ADGRL1: variants seen among roughly 807,000 people sequenced by gnomAD.
ADGRL1 encodes adhesion G protein-coupled receptor L1.
A neutral mutation model predicts 148.9 loss-of-function variants in ADGRL1; 31 were observed. The observed-to-expected ratio is 0.21, with a 90% CI of 0.16 to 0.28. ADGRL1 has a LOEUF of 0.28. Ranked by LOEUF, ADGRL1 falls within the 10% of genes least tolerant of loss-of-function variation. The pLI is 1.00. For missense variants in ADGRL1, 1,521 were observed against 2,058.8 expected (o/e 0.74, Z 5.05); for synonymous variants, 937 against 900.3 (o/e 1.04, Z -0.73).
Position 14,152,337 on chromosome 19 carries a change from G to A in ADGRL1, c.3621C>T (p.Pro1207=), listed in dbSNP as rs975226843. 1.9e-6 allele frequency: 3 copies of A among 1,598,188 alleles called. No individual in the cohort carries two copies. The highest frequency in any genetic ancestry group is 2.3e-5 in the South Asian group (2 of 88,766). ...GGGAGTTGAAGACAGGGGGCGAGGA[G>A]GGATTGAAGCCCACTGACTCGGCGA... The part of the protein sequence containing the change: ...TLIAESVGFN[P]SSPPVFNSPG... The change falls in exon 21 of 23, where the codon CCC becomes CCT. Residue 1207 remains proline, a synonymous_variant. Transcript: ENST00000361434. This position sits in a 1 kb window ranked among gnomAD's most constrained non-coding sequence, Gnocchi z 6.1.
chr19:14,183,386 T>C lies in ADGRL1; in HGVS notation c.70+147A>G, dbSNP rs1446821235. 33 of 703,908 alleles carry C rather than the reference T, an allele frequency of 4.7e-5. No homozygotes were observed. The South Asian group carries it at 6.0e-4, about 13-fold the overall frequency. 43.6% of individuals were successfully genotyped at this position (703,908 alleles called of 1,614,324 possible). On this transcript the variant is annotated intron_variant, in intron 2 of 22. Coordinates refer to ENST00000361434, the MANE Select transcript of ADGRL1 (RefSeq NM_014921.5). ...TGGGGTGTGTGTTACCCCTGAGTCT[T>C]CCACTGGCCTGCTCCAGCTGAGGTC... is the stretch of plus-strand genomic sequence containing the variant.
At chr19:14,187,902 A>G (rs1971685677) in intron 1 of ADGRL1, among the ~76,000 whole-genome samples, 1 of 151,964 alleles carries the variant, frequency 6.6e-6, no homozygotes, top group African/African-American at 2.4e-5. Flanking sequence ...TCCCACTGCA[A>G]CAGGCATCCG....
rs1472064311 is a variant in ADGRL1, at chr19:14,160,367, C to T, written c.1615-70G>A. The T allele has an allele frequency of 1.4e-6, 2 of 1,432,088 alleles. No individual in the cohort carries two copies. Among genetic ancestry groups the T allele is most frequent in the Non-Finnish European group, 1.9e-6 (2 of 1,050,858 alleles). The allele number at this position is 1,432,088 out of a possible 1,614,324, so 88.7% of individuals were successfully genotyped here. A position where few individuals can be genotyped will look rare whatever the true frequency, so the allele number is the denominator to read the frequency against. On this transcript the variant is annotated intron_variant, in intron 7 of 22. Coordinates refer to ENST00000361434, the MANE Select transcript of ADGRL1 (RefSeq NM_014921.5). The surrounding 1 kb of genome is among the most constrained non-coding windows in gnomAD (Gnocchi z 5.9). ...GGACCATCCTGCCCTCCCCGGCTTC[C>T]CTGGCCTGTGCAGCCTCTCCTATCT...
chr19:14,205,646 G>A (rs1243145948), intron 1 of ADGRL1, among the ~76,000 whole-genome samples: 1 of 151,288 alleles, frequency 6.6e-6, no homozygotes, highest in Non-Finnish European at 1.5e-5. Context: ...TCCCCACAAA[G>A]GCTGGCGCGC....
At chr19:14,179,695 T>C (rs1971060034) in intron 2 of ADGRL1, among the ~76,000 whole-genome samples, 1 of 151,574 alleles carries the variant, frequency 6.6e-6, no homozygotes, top group African/African-American at 2.4e-5. Flanking sequence ...TCACCTGAGG[T>C]CAGGAGTTTG....
intron 4 of ADGRL1, 59 bp from the exon 5 acceptor site, chr19:14,163,465 GGAGAGAGAGAGAGAGAGAGA>G: frequency 2.9e-6 from 2 of 700,936 alleles, no homozygotes; most frequent in Non-Finnish European, 4.3e-6. Context: ...GCGAGAGGGA[GGAGAGAGAGAGAGAGAGAGA>G]GAGAGAGAGA....
Position 14,161,213 on chromosome 19 carries a change from T to C in ADGRL1, c.1510+99A>G. 8.2e-7 allele frequency: 1 copy of C among 1,218,120 alleles called. No homozygotes were observed. Among genetic ancestry groups the C allele is most frequent in the Non-Finnish European group, 1.1e-6 (1 of 911,474 alleles). 75.5% of individuals were successfully genotyped at this position (1,218,120 alleles called of 1,614,324 possible). ...GGATGACCCCTGCCCTCAGAAAACC[T>C]CTGCTCCGCAGTAGAGACCCCCACC... On this transcript the variant is annotated intron_variant, in intron 6 of 22. Coordinates refer to ENST00000361434, the MANE Select transcript of ADGRL1 (RefSeq NM_014921.5). The surrounding 1 kb of genome is among the most constrained non-coding windows in gnomAD (Gnocchi z 4.4).
At chr19:14,156,296 G>A (rs1968736540) in intron 16 of ADGRL1, 95 bp from the exon 17 acceptor site, 4 of 989,402 alleles carry the variant, frequency 4.0e-6, no homozygotes, top group Admixed American at 2.0e-5. Context: ...AATCTCAGCT[G>A]TGGCCCTCGC....
chr19:14,175,864 G>A (rs558056570), intron 3 of ADGRL1, among the ~76,000 whole-genome samples: 1 of 152,026 alleles, frequency 6.6e-6, no homozygotes, highest in South Asian at 2.1e-4. Flanking sequence ...AGACCAACCT[G>A]GCCAACATGG....
chr19:14,153,411 AT>A (rs36035971), intron 18 of ADGRL1, among the ~76,000 whole-genome samples: 10,014 of 112,258 alleles, frequency 0.089, 364 homozygotes, highest in Admixed American at 0.14. Flanking sequence ...GCAGGTTGTG[AT>A]TTTTTTTTTT....
Position 14,154,835 on chromosome 19 carries a change from TG to T in ADGRL1, c.3294+523del, listed in dbSNP as rs771079472. Among the ~76,000 whole-genome samples the T allele has an allele frequency of 3.3e-5, 5 of 152,126 alleles. No individual in the cohort carries two copies. In the South Asian group the frequency reaches 6.2e-4, roughly 19 times the overall value. ...TTTCACCATGTTGGCCAGGCTGGTC[TG>T]GAACTCCTGACCTCAGGTGATCCGC... On this transcript the variant is annotated intron_variant, in intron 18 of 22. Transcript: ENST00000361434.
chr19:14,150,438 AGAG>A lies in ADGRL1; in HGVS notation c.*432_*434del. ...CAGCCGGCAGCATTTCTGGCTGCGG[AGAG>A]GAGCAGCTAACAGGTTCCATCCAGT... On this transcript the variant is annotated 3_prime_UTR_variant, in exon 23 of 23. Transcript: ENST00000361434. The A allele has an allele frequency of 6.0e-6, 1 of 166,470 alleles. No homozygotes were observed. Among genetic ancestry groups the A allele is most frequent in the East Asian group, 1.8e-4 (1 of 5,564 alleles). 10.3% of individuals were successfully genotyped at this position (166,470 alleles called of 1,614,324 possible).
chr19:14,156,969 G>A lies in ADGRL1; in HGVS notation c.2922C>T (p.Gly974=), dbSNP rs1968831742. The change falls in exon 15 of 23, where the codon GGC becomes GGT. Residue 974 remains glycine (G), a synonymous_variant. Transcript: ENST00000361434. The part of the protein sequence containing the change: ...GGYCFPALVV[G]IAAAIDYRSY... ...TGCGGTAGTCAATGGCAGCCGCGAT[G>A]CCCACCACCAGGGCCGGGAAGCAGT... is the stretch of plus-strand genomic sequence containing the variant. 24 of 1,613,484 alleles carry A rather than the reference G, an allele frequency of 1.5e-5. No individual in the cohort carries two copies. The highest frequency in any genetic ancestry group is 1.8e-5 in the Non-Finnish European group (21 of 1,179,912).
chr19:14,152,985 C>T lies in ADGRL1; in HGVS notation c.3295-73G>A. 1 of 1,565,910 alleles carries T rather than the reference C, an allele frequency of 6.4e-7. No individual in the cohort carries two copies. The highest frequency in any genetic ancestry group is 1.8e-4 in the Middle Eastern group (1 of 5,416). On this transcript the variant is annotated intron_variant, in intron 18 of 22. Coordinates refer to ENST00000361434, the MANE Select transcript of ADGRL1 (RefSeq NM_014921.5). The surrounding 1 kb of genome is among the most constrained non-coding windows in gnomAD (Gnocchi z 6.1). ...TGATCCAGTCTCCCACAGGGCTGGT[C>T]ACAAGACAGGCAGCCTTGGGAGGCC...
chr19:14,177,421 CAT>C (rs755055882), intron 3 of ADGRL1, 108 bp downstream of exon 3: 27 of 990,182 alleles, frequency 2.7e-5, no homozygotes, highest in Non-Finnish European at 4.2e-5. Flanking sequence ...GCTCAGTAAA[CAT>C]GTGTTGAATG....
chr19:14,157,370 T>C lies in ADGRL1; in HGVS notation c.2626A>G (p.Thr876Ala). The C allele has an allele frequency of 6.2e-7, 1 of 1,613,922 alleles. No homozygotes were observed. The highest frequency in any genetic ancestry group is 1.1e-5 in the South Asian group (1 of 91,076). The change falls in exon 14 of 23, where the codon ACC becomes GCC. Residue 876 changes from threonine (T) to alanine (A), a missense_variant. By Grantham distance (58) the Thr-to-Ala change is moderately conservative (BLOSUM62 0). Around this residue, in one of 8 missense-constraint regions of ADGRL1, gnomAD observed 265 missense variants for 431.9 expected, o/e 0.61. Transcript: ENST00000361434. The surrounding 1 kb of genome is among the most constrained non-coding windows in gnomAD (Gnocchi z 7.5). ...SLVCLAICISTFCFLRGLQTD... is the reference protein window; with the variant it reads ...SLVCLAICISAFCFLRGLQTD... ...TGCAGCCCCCGCAGGAAGCAGAAGG[T>C]GGAGATGCAGATGGCCAAGCAGACC... is the stretch of plus-strand genomic sequence containing the variant.
At position 14,149,922 on chromosome 19, in the gene ADGRL1, C is replaced by CTTTTTTTTTTTTTTTTTTTT. The variant is rs71170598; in HGVS notation, c.*950_*951insAAAAAAAAAAAAAAAAAAAA. 3 of 122,710 alleles carry CTTTTTTTTTTTTTTTTTTTT rather than the reference C, an allele frequency of 2.4e-5. No homozygotes were observed. Among genetic ancestry groups the CTTTTTTTTTTTTTTTTTTTT allele is most frequent in the Non-Finnish European group, 3.5e-5 (2 of 57,776 alleles). 7.6% of individuals were successfully genotyped at this position (122,710 alleles called of 1,614,324 possible). On this transcript the variant is annotated 3_prime_UTR_variant, in exon 23 of 23. Coordinates refer to ENST00000361434, the MANE Select transcript of ADGRL1 (RefSeq NM_014921.5). ...CAAGTGATGAGATTTTTTTTCTTTTCTTTTTTTTTTTTTTTGTCTTTTTTT... is the reference window on the plus strand; with the variant it reads ...CAAGTGATGAGATTTTTTTTCTTTTCTTTTTTTTTTTTTTTTTTTTTTTTTTTTTTTTTTTGTCTTTTTTT...
At chr19:14,182,209 G>A (rs1971246417) in intron 2 of ADGRL1, among the ~76,000 whole-genome samples, 1 of 152,196 alleles carries the variant, frequency 6.6e-6, no homozygotes, top group Admixed American at 6.5e-5. Flanking sequence ...GTTAATGTGT[G>A]CAGAGCGCAG....
At position 14,157,556 on chromosome 19, in the gene ADGRL1, T is replaced by C; in HGVS notation, c.2536-96A>G. ...ACAGACAGGGCCCTGGGCAAGGCCA[T>C]GGGCCGTGAGGACCTCTGGTGCCGC... is the stretch of plus-strand genomic sequence containing the variant. On this transcript the variant is annotated intron_variant, in intron 13 of 22. Coordinates refer to ENST00000361434, the MANE Select transcript of ADGRL1 (RefSeq NM_014921.5). The surrounding 1 kb of genome is among the most constrained non-coding windows in gnomAD (Gnocchi z 7.5). 1 of 1,299,156 alleles carries C rather than the reference T, an allele frequency of 7.7e-7. No homozygotes were observed. The allele number at this position is 1,299,156 out of a possible 1,614,324, so 80.5% of individuals were successfully genotyped here. A position where few individuals can be genotyped will look rare whatever the true frequency, so the allele number is the denominator to read the frequency against.
Sources: gnomAD v4.1 joint callset for allele counts (sites outside exome capture counted in the v4.1 genomes callset) on GRCh38, gnomAD v4.1.1 for gene constraint, gnomAD v4.1.1 regional missense constraint, Gnocchi (gnomAD v3.1) non-coding constraint, MANE v1.5 for transcripts, NCBI Gene and HGNC (gene_info 2026-07-23, HGNC 2026-07-21) for gene names.